Variants in TEC observed in about 807,000 individuals in gnomAD.
TEC encodes the protein tyrosine-protein kinase Tec.
In TEC, 72 loss-of-function variants were observed where a neutral mutation model predicts 93.0. That is an observed-to-expected ratio of 0.77 (90% confidence interval 0.64 to 0.94). The LOEUF is 0.94. Among genes scored for constraint, TEC ranks in the 40% least tolerant of loss-of-function variants. The pLI is 0.00. For missense variants in TEC, 630 were observed against 757.9 expected, an observed-to-expected ratio of 0.83 and a Z score of 1.98; for synonymous variants, 249 against 247.7, an observed-to-expected ratio of 1.01 and a Z score of -0.05.
At chr4:48,147,584 G>T (rs1225840798) in intron 11 of TEC, among the ~76,000 whole-genome samples, 1 of 152,106 alleles carries the variant, frequency 6.6e-6, no homozygotes, top group Non-Finnish European at 1.5e-5. Context: ...CTATGTCTTG[G>T]CTTCCATAAG....
At chr4:48,262,096 C>T (rs751123129) in intron 1 of TEC, among the ~76,000 whole-genome samples, 6 of 151,720 alleles carry the variant, frequency 4.0e-5, no homozygotes, top group Non-Finnish European at 8.8e-5. Flanking sequence ...AAATTGAATG[C>T]TCTATATTTC....
chr4:48,192,736 A>C (rs544670765), intron 2 of TEC, among the ~76,000 whole-genome samples: 1 of 152,376 alleles, frequency 6.6e-6, no homozygotes, highest in South Asian at 2.1e-4. Context: ...CTCTCATTTA[A>C]ATGAAGGCTC....
intron 1 of TEC, among the ~76,000 whole-genome samples, chr4:48,235,531 T>A (rs1723761032): frequency 6.6e-6 from 1 of 152,140 alleles, no homozygotes; most frequent in Admixed American, 6.5e-5. Flanking sequence ...AAAGACAGCC[T>A]TCAATCCCAA....
chr4:48,165,698 T>A (rs1342931480), intron 7 of TEC, among the ~76,000 whole-genome samples: 1 of 152,164 alleles, frequency 6.6e-6, no homozygotes, highest in Non-Finnish European at 1.5e-5. Context: ...AAGAAAACAA[T>A]CTGTTTCATC....
At chr4:48,142,252 C>T (rs1719705775) in intron 14 of TEC, among the ~76,000 whole-genome samples, 2 of 152,162 alleles carry the variant, frequency 1.3e-5, no homozygotes, top group South Asian at 4.1e-4. Context: ...GGGTGGATAA[C>T]TTGAGGTCAG....
intron 2 of TEC, among the ~76,000 whole-genome samples, chr4:48,201,503 A>G (rs1722507768): frequency 6.6e-6 from 1 of 152,198 alleles, no homozygotes. Context: ...GAGAAAGGGC[A>G]GCCCTGGAAG....
intron 2 of TEC, among the ~76,000 whole-genome samples, chr4:48,187,434 TAAAAAAAA>T (rs59244907): frequency 7.4e-6 from 1 of 134,234 alleles, no homozygotes; most frequent in Non-Finnish European, 1.6e-5. Flanking sequence ...CAATAAATAC[TAAAAAAAA>T]AAAAAAAAAG....
intron 2 of TEC, among the ~76,000 whole-genome samples, chr4:48,222,376 G>C (rs186540719): frequency 6.6e-6 from 1 of 152,318 alleles, no homozygotes; most frequent in East Asian, 1.9e-4. Flanking sequence ...GAAAGATGAA[G>C]ATCCAGGAAT....
chr4:48,210,366 A>G (rs1388201425), intron 2 of TEC, among the ~76,000 whole-genome samples: 1 of 151,938 alleles, frequency 6.6e-6, no homozygotes, highest in Non-Finnish European at 1.5e-5. Flanking sequence ...CGTGCCTGTC[A>G]TCCTGGTCCT....
chr4:48,247,235 T>C (rs1237628689), intron 1 of TEC, among the ~76,000 whole-genome samples: 1 of 152,082 alleles, frequency 6.6e-6, no homozygotes, highest in Admixed American at 6.5e-5. Flanking sequence ...AAATAGAAAC[T>C]GAACAAGTAT....
intron 1 of TEC, among the ~76,000 whole-genome samples, chr4:48,231,219 T>C (rs548113178): frequency 2.0e-5 from 3 of 152,280 alleles, no homozygotes; most frequent in African/African-American, 4.8e-5. Context: ...AGTCCCAGTG[T>C]CTACAGTAGC....
At chr4:48,141,942 C>T (rs976828424) in intron 14 of TEC, among the ~76,000 whole-genome samples, 2 of 152,142 alleles carry the variant, frequency 1.3e-5, no homozygotes, top group African/African-American at 2.4e-5. Flanking sequence ...TCACGAGCAA[C>T]CTCACCGGCC....
At chr4:48,149,974 A>G (rs1282037125) in intron 10 of TEC, among the ~76,000 whole-genome samples, 1 of 152,236 alleles carries the variant, frequency 6.6e-6, no homozygotes, top group Non-Finnish European at 1.5e-5. Context: ...AATAGCTATT[A>G]GCAGCTACTG....
chr4:48,255,177 G>A (rs1724308172), intron 1 of TEC, among the ~76,000 whole-genome samples: 2 of 152,150 alleles, frequency 1.3e-5, no homozygotes, highest in Admixed American at 1.3e-4. Context: ...TGCTGAGTGT[G>A]CTCTCACCAC....
chr4:48,198,296 C>T (rs1004542609), intron 2 of TEC, among the ~76,000 whole-genome samples: 1 of 152,160 alleles, frequency 6.6e-6, no homozygotes, highest in Non-Finnish European at 1.5e-5. Context: ...ACAGTGGCTG[C>T]CAGATAAATA....
chr4:48,245,038 T>TA (rs1222329494), intron 1 of TEC, among the ~76,000 whole-genome samples: 1 of 152,222 alleles, frequency 6.6e-6, no homozygotes, highest in Non-Finnish European at 1.5e-5. Context: ...CTCACGCCTG[T>TA]AACCCCAGCA....
intron 11 of TEC, among the ~76,000 whole-genome samples, chr4:48,148,972 G>C (rs1265347094): frequency 6.6e-6 from 1 of 152,056 alleles, no homozygotes; most frequent in Non-Finnish European, 1.5e-5. Flanking sequence ...ATGGCCTCCA[G>C]CTCCATCCAT....
rs185114671 is a variant in TEC, at chr4:48,212,388, G to C, written c.138+16089C>G. On this transcript the variant is annotated intron_variant, in intron 2 of 17. Transcript: ENST00000381501. ...TTACTGTTTAAGGAAGTCCCCCTTT[G>C]TGGGAAGTAGAACAGTGTGGTTTAA... Among the ~76,000 whole-genome samples the C allele has an allele frequency of 9.6e-4, 146 of 152,222 alleles. 1 individual carries two copies. The highest frequency in any genetic ancestry group is 8.8e-3 in the Admixed American group (134 of 15,284).
At chr4:48,215,377 C>T (rs765089068) in intron 2 of TEC, among the ~76,000 whole-genome samples, 17 of 152,012 alleles carry the variant, frequency 1.1e-4, no homozygotes, top group African/African-American at 3.9e-4. Context: ...CGTGGTGGCA[C>T]GCATCTATAA....
Sources: gnomAD v4.1 joint callset for allele counts (sites outside exome capture counted in the v4.1 genomes callset) on GRCh38, gnomAD v4.1.1 for gene constraint, MANE v1.5 for transcripts, NCBI Gene and HGNC (gene_info 2026-07-23, HGNC 2026-07-21) for gene names.